PREX2: variants seen among roughly 807,000 people sequenced by gnomAD.
PREX2 encodes phosphatidylinositol-3,4,5-trisphosphate dependent Rac exchange factor 2.
In PREX2, 107 loss-of-function variants were observed where a neutral mutation model predicts 203.2. The observed-to-expected ratio is 0.53, with a 90% CI of 0.45 to 0.62. The LOEUF (loss-of-function observed/expected upper bound fraction) is 0.62. Among genes scored for constraint, PREX2 ranks in the 20% least tolerant of loss-of-function variants. The pLI is 0.00. For missense variants in PREX2, 1,777 were observed against 1,955.9 expected (o/e 0.91, Z 1.72); for synonymous variants, 672 against 663.6 (o/e 1.01, Z -0.19).
chr8:68,097,047 T>A lies in PREX2; in HGVS notation c.2399T>A (p.Ile800Asn). 6.2e-7 allele frequency: 1 copy of A among 1,613,818 alleles called. No individual in the cohort carries two copies. Among genetic ancestry groups the A allele is most frequent in the Non-Finnish European group, 8.5e-7 (1 of 1,179,822 alleles). ...EVIDKFNTMA[I>N]IDGKKEHVSL... ...ATTGACAAATTCAACACTATGGCCA[T>A]CATTGATGGGAAGAAGGAGCATGTG... The change falls in exon 22 of 40, where the codon ATC becomes AAC. Residue 800 changes from isoleucine to asparagine, a missense_variant. By Grantham distance (149) the Ile-to-Asn change is moderately radical. Transcript: ENST00000288368.
chr8:68,037,709 C>G (rs1298835071), intron 6 of PREX2, among the ~76,000 whole-genome samples: 4 of 151,980 alleles, frequency 2.6e-5, no homozygotes, highest in Non-Finnish European at 5.9e-5. Context: ...TTTCTCCATC[C>G]TAGGGGTGGA....
At chr8:67,952,641 A>C in intron 1 of PREX2, 106 bp downstream of exon 1, 1 of 1,468,434 alleles carries the variant, frequency 6.8e-7, no homozygotes, top group Non-Finnish European at 9.3e-7. Context: ...GGGACCCGGG[A>C]CGGGTCGGGG....
chr8:68,069,250 C>G, intron 12 of PREX2, 114 bp downstream of exon 12: 4 of 611,396 alleles, frequency 6.5e-6, no homozygotes. Context: ...AATTCTTCGA[C>G]TATATATACA....
intron 23 of PREX2, among the ~76,000 whole-genome samples, chr8:68,102,111 T>C (rs1044191779): frequency 4.6e-5 from 7 of 152,166 alleles, no homozygotes; most frequent in African/African-American, 1.7e-4. Flanking sequence ...ATAAAAATAA[T>C]GTCACCCAAT....
At chr8:68,106,350 T>G in intron 23 of PREX2, 1 of 511,726 alleles carries the variant, frequency 2.0e-6, no homozygotes, top group Non-Finnish European at 3.9e-6. Flanking sequence ...AAGTCACCGT[T>G]TCTTTATTAG....
chr8:68,186,131 T>C (rs1458270364), intron 35 of PREX2, among the ~76,000 whole-genome samples: 1 of 152,234 alleles, frequency 6.6e-6, no homozygotes, highest in East Asian at 1.9e-4. Context: ...GTAAAATATC[T>C]GAACAATTTT....
At chr8:68,117,464 T>G (rs891958129) in intron 26 of PREX2, among the ~76,000 whole-genome samples, 1 of 152,228 alleles carries the variant, frequency 6.6e-6, no homozygotes, top group African/African-American at 2.4e-5. Context: ...ACTTTTCACT[T>G]CTAAGCATCC....
At chr8:68,161,241 C>T (rs1221315235) in intron 35 of PREX2, among the ~76,000 whole-genome samples, 1 of 151,954 alleles carries the variant, frequency 6.6e-6, no homozygotes, top group Non-Finnish European at 1.5e-5. Flanking sequence ...ACTACAGGCA[C>T]TTGCCACCAC....
chr8:68,103,556 T>C (rs769596355), intron 23 of PREX2: 2 of 518,830 alleles, frequency 3.9e-6, no homozygotes, highest in Non-Finnish European at 7.7e-6. Flanking sequence ...TCCCTTTCTT[T>C]GATCTTTCTC....
chr8:68,083,426 A>G (rs370603077), intron 18 of PREX2, 38 bp downstream of exon 18: 2 of 1,464,586 alleles, frequency 1.4e-6, no homozygotes, highest in African/African-American at 1.4e-5. Context: ...TTTAAAAGTT[A>G]TACATAGATA....
chr8:68,032,034 A>T (rs1807899287), intron 6 of PREX2, among the ~76,000 whole-genome samples: 1 of 152,142 alleles, frequency 6.6e-6, no homozygotes. Context: ...GAAATGAGAG[A>T]TTCCTTAAAA....
chr8:68,137,471 A>G (rs1811134657), intron 32 of PREX2, among the ~76,000 whole-genome samples: 1 of 151,886 alleles, frequency 6.6e-6, no homozygotes, highest in Non-Finnish European at 1.5e-5. Context: ...GTGTCTCACT[A>G]TGTTGCTCAA....
At chr8:68,192,198 A>G (rs1176738717) in intron 36 of PREX2, 137 bp from the exon 37 acceptor site, 2 of 631,988 alleles carry the variant, frequency 3.2e-6, no homozygotes, top group Admixed American at 3.3e-5. Flanking sequence ...GAGTAATTAT[A>G]AATATTAGTA....
At chr8:68,162,771 G>A (rs2129614031) in intron 35 of PREX2, among the ~76,000 whole-genome samples, 1 of 152,236 alleles carries the variant, frequency 6.6e-6, no homozygotes, top group African/African-American at 2.4e-5. Context: ...CATTTTAGTT[G>A]GTGGTCTAGG....
At chr8:68,007,777 T>G (rs12386889) in intron 1 of PREX2, among the ~76,000 whole-genome samples, 18,318 of 152,076 alleles carry the variant, frequency 0.12, 1,360 homozygotes, top group African/African-American at 0.2. Context: ...GCCTGGCTCA[T>G]TTTTTGTATT....
intron 37 of PREX2, among the ~76,000 whole-genome samples, chr8:68,203,272 G>A (rs114073830): frequency 8.5e-5 from 13 of 152,254 alleles, no homozygotes; most frequent in African/African-American, 3.1e-4. Context: ...GAGTATCGAT[G>A]ATTCTGACTC....
Position 68,154,294 on chromosome 8 carries a change from A to G in PREX2, c.4232-3028A>G, listed in dbSNP as rs140765873. Among the ~76,000 whole-genome samples, 1,445 of 152,394 alleles carry G rather than the reference A, an allele frequency of 9.5e-3. 16 individuals are homozygous for G. Among genetic ancestry groups the G allele is most frequent in the Middle Eastern group, 0.041 (12 of 294 alleles). On this transcript the variant is annotated intron_variant, in intron 34 of 39. Coordinates refer to ENST00000288368, the MANE Select transcript of PREX2 (RefSeq NM_024870.4). ...GCATGTTGCCTAGTAAATAAAACTC[A>G]TTCAATAAGTAAGAATACTCATGAG...
intron 1 of PREX2, among the ~76,000 whole-genome samples, chr8:67,954,915 G>T (rs1193696622): frequency 1.3e-5 from 2 of 151,946 alleles, no homozygotes; most frequent in East Asian, 3.9e-4. Context: ...GGCCGAGGCG[G>T]GTGGATCACC....
chr8:67,957,885 T>C (rs923959496), intron 1 of PREX2, among the ~76,000 whole-genome samples: 1 of 151,958 alleles, frequency 6.6e-6, no homozygotes, highest in African/African-American at 2.4e-5. Context: ...TTTAAATAGG[T>C]GATAGAGTTA....
Sources: gnomAD v4.1 joint callset for allele counts (sites outside exome capture counted in the v4.1 genomes callset) on GRCh38, gnomAD v4.1.1 for gene constraint, MANE v1.5 for transcripts, NCBI Gene and HGNC (gene_info 2026-07-23, HGNC 2026-07-21) for gene names.